Variants in IL2RB observed in about 807,000 individuals in gnomAD.
The protein encoded by IL2RB is interleukin 2 receptor subunit beta, also known as interleukin-2 receptor subunit beta.
Under a neutral mutation model 44.2 loss-of-function variants are expected in IL2RB, and 17 were observed. The ratio of observed to expected loss-of-function variants is 0.38; its 90% CI spans 0.26 to 0.58. IL2RB has a LOEUF of 0.58. Ranked by LOEUF, IL2RB falls within the 20% of genes least tolerant of loss-of-function variation. IL2RB has a pLI of 0.63. For missense variants in IL2RB, 624 were observed against 685.5 expected (o/e 0.91, Z 1.00); for synonymous variants, 286 against 297.9 (o/e 0.96, Z 0.41).
intron 3 of IL2RB, 143 bp from the exon 4 acceptor site, chr22:37,142,655 G>A (rs1460490483): frequency 1.3e-6 from 1 of 767,438 alleles, no homozygotes; most frequent in South Asian, 1.4e-5. Context: ...CACTGTGAGG[G>A]GCACTGCCTC....
Position 37,128,078 on chromosome 22 carries a change from C to A in IL2RB, c.*18G>T. On this transcript the variant is annotated 3_prime_UTR_variant, in exon 10 of 10. Transcript: ENST00000216223. The surrounding 1 kb of genome is among the most constrained non-coding windows in gnomAD (Gnocchi z 4.5). ...GCGCAGAGCAGGCAGCTGCCTGCCT[C>A]CCACCCTGGCCATCTGTCTACACCA... 1 of 1,506,322 alleles carries A rather than the reference C, an allele frequency of 6.6e-7. No individual in the cohort carries two copies. The allele number at this position is 1,506,322 out of a possible 1,614,324, so 93.3% of individuals were successfully genotyped here.
chr22:37,172,268 C>A (rs938705333), intron 1 of IL2RB, among the ~76,000 whole-genome samples: 2 of 151,606 alleles, frequency 1.3e-5, no homozygotes, highest in Non-Finnish European at 2.9e-5. Flanking sequence ...GGGCTAGAGC[C>A]CCAACCAAAC....
At position 37,126,819 on chromosome 22, in the gene IL2RB, G is replaced by C. The variant is rs923922248; in HGVS notation, c.*1277C>G. On this transcript the variant is annotated 3_prime_UTR_variant, in exon 10 of 10. Transcript: ENST00000216223. The stretch of plus-strand genomic sequence containing the variant: ...GCCCCTTGCAGGAGGGGGCATGCCA[G>C]ACCTAATGGGCACGGGACTCTGCCT... 3 of 152,296 alleles carry C rather than the reference G, an allele frequency of 2.0e-5. No homozygotes were observed. Among genetic ancestry groups the C allele is most frequent in the Admixed American group, 2.0e-4 (3 of 15,286 alleles). 9.4% of individuals were successfully genotyped at this position (152,296 alleles called of 1,614,324 possible). A position where few individuals can be genotyped will look rare whatever the true frequency, so the allele number is the denominator to read the frequency against.
At chr22:37,164,531 G>A (rs1301291143) in intron 1 of IL2RB, among the ~76,000 whole-genome samples, 2 of 152,114 alleles carry the variant, frequency 1.3e-5, no homozygotes, top group African/African-American at 4.8e-5. Flanking sequence ...AAGATGTGTG[G>A]TTTAAGTTGT....
At chr22:37,155,798 T>A (rs2146258698) in intron 1 of IL2RB, among the ~76,000 whole-genome samples, 1 of 152,224 alleles carries the variant, frequency 6.6e-6, no homozygotes, top group African/African-American at 2.4e-5. Context: ...TATAACTACT[T>A]CTCTTACGTC....
At chr22:37,156,163 C>T (rs2146258953) in intron 1 of IL2RB, among the ~76,000 whole-genome samples, 1 of 152,330 alleles carries the variant, frequency 6.6e-6, no homozygotes, top group Non-Finnish European at 1.5e-5. Flanking sequence ...CTCCAGCCTC[C>T]TGTTCCCTCT....
chr22:37,170,064 GAA>G (rs1923222234), intron 1 of IL2RB, among the ~76,000 whole-genome samples: 2 of 2,564 alleles, frequency 7.8e-4, no homozygotes, highest in South Asian at 0.1. Context: ...GAGAAGGAAG[GAA>G]GGATGGGGGA....
chr22:37,160,178 T>A (rs1017144524), intron 1 of IL2RB, among the ~76,000 whole-genome samples: 9 of 152,336 alleles, frequency 5.9e-5, no homozygotes, highest in Non-Finnish European at 1.2e-4. Context: ...CACAACCCAG[T>A]GTCTGACTGG....
intron 1 of IL2RB, among the ~76,000 whole-genome samples, chr22:37,164,159 G>T (rs1922981245): frequency 6.6e-6 from 1 of 152,150 alleles, no homozygotes; most frequent in Non-Finnish European, 1.5e-5. Context: ...GTCAACACAG[G>T]GTTCTCCCTC....
At chr22:37,156,612 G>A (rs1188138551) in intron 1 of IL2RB, among the ~76,000 whole-genome samples, 1 of 152,224 alleles carries the variant, frequency 6.6e-6, no homozygotes. Flanking sequence ...GGGAGGGCTT[G>A]CCTCTGCCTG....
chr22:37,136,968 T>C, intron 6 of IL2RB, among the ~76,000 whole-genome samples: 1 of 152,220 alleles, frequency 6.6e-6, no homozygotes, highest in East Asian at 1.9e-4. Context: ...AAGTAGCCTG[T>C]GCCAGTCACT....
chr22:37,167,955 C>T (rs1443077334), intron 1 of IL2RB, among the ~76,000 whole-genome samples: 1 of 152,226 alleles, frequency 6.6e-6, no homozygotes, highest in Non-Finnish European at 1.5e-5. Context: ...GTCCCCTTTG[C>T]ATGAGTTCAG....
intron 9 of IL2RB, among the ~76,000 whole-genome samples, chr22:37,129,256 G>A (rs1225601561): frequency 1.3e-5 from 2 of 152,256 alleles, no homozygotes; most frequent in African/African-American, 4.8e-5. Context: ...ATCCACCCAT[G>A]CCAAAGCAGA....
chr22:37,135,457 G>C lies in IL2RB; in HGVS notation c.704-15C>G, dbSNP rs1394298491. The C allele has an allele frequency of 6.5e-7, 1 of 1,547,116 alleles. No individual in the cohort carries two copies. Among genetic ancestry groups the C allele is most frequent in the Non-Finnish European group, 8.9e-7 (1 of 1,119,202 alleles). On this transcript the variant is annotated splice_polypyrimidine_tract_variant and intron_variant, in intron 7 of 9. Transcript: ENST00000216223. ...CTTCCCAAGGGCTGCCCAGGGGTGG[G>C]AGAAACAGCAAGGAGAGGGGTTAGA...
chr22:37,133,929 G>A (rs955660301), intron 8 of IL2RB, among the ~76,000 whole-genome samples: 2 of 151,974 alleles, frequency 1.3e-5, no homozygotes, highest in African/African-American at 4.8e-5. Context: ...CTCTGCCTGG[G>A]ACACTCTCCC....
intron 1 of IL2RB, among the ~76,000 whole-genome samples, chr22:37,173,889 C>G (rs1468645832): frequency 6.6e-6 from 1 of 152,228 alleles, no homozygotes; most frequent in African/African-American, 2.4e-5. Context: ...ATCCAGCTGC[C>G]TCTCACATCT....
At chr22:37,172,630 C>T (rs1573673) in intron 1 of IL2RB, among the ~76,000 whole-genome samples, 22,731 of 152,222 alleles carry the variant, frequency 0.15, 1,922 homozygotes, top group East Asian at 0.33. Flanking sequence ...CCACCCAAGC[C>T]GCATTTCTAA....
upstream of IL2RB, among the ~76,000 whole-genome samples, chr22:37,152,262 T>C (rs1601607958): frequency 6.6e-6 from 1 of 152,344 alleles, no homozygotes; most frequent in South Asian, 2.1e-4. Flanking sequence ...GTTTTATAGT[T>C]TTCATTATAG....
chr22:37,129,843 G>A (rs1047383351), intron 9 of IL2RB, among the ~76,000 whole-genome samples: 7 of 152,212 alleles, frequency 4.6e-5, no homozygotes, highest in Non-Finnish European at 4.4e-5. Context: ...TCTGTCCTGG[G>A]AACCCTCAGC....
Sources: allele counts gnomAD v4.1 joint callset (sites outside exome capture counted in the v4.1 genomes callset), GRCh38; gene constraint gnomAD v4.1.1; non-coding constraint Gnocchi (gnomAD v3.1); transcripts MANE v1.5; gene names NCBI Gene and HGNC (gene_info 2026-07-23, HGNC 2026-07-21).